TTC17: variants seen among roughly 807,000 people sequenced by gnomAD.
TTC17 encodes the protein tetratricopeptide repeat protein 17.
A neutral mutation model predicts 143.8 loss-of-function variants in TTC17; 58 were observed. The ratio of observed to expected loss-of-function variants is 0.40; its 90% confidence interval spans 0.33 to 0.50. TTC17 has a LOEUF of 0.50. Among genes scored for constraint, TTC17 ranks in the 20% least tolerant of loss-of-function variants. The probability of loss-of-function intolerance (pLI) is 0.49; values close to 1 mark genes in which losing one functional copy is unlikely to be tolerated. For synonymous variants in TTC17, 501 were observed against 497.8 expected, an observed-to-expected ratio of 1.01 and a Z score of -0.09; for missense variants, 1,273 against 1,392.5, an observed-to-expected ratio of 0.91 and a Z score of 1.37.
Position 43,400,039 on chromosome 11 carries a change from G to T in TTC17, c.1210G>T (p.Ala404Ser). 2 of 1,612,954 alleles carry T rather than the reference G, an allele frequency of 1.2e-6. No individual in the cohort carries two copies. Among genetic ancestry groups the T allele is most frequent in the Non-Finnish European group, 1.7e-6 (2 of 1,179,536 alleles). Residue 404 changes from alanine to serine, a missense_variant, in exon 9 of 24, where the codon GCA (alanine) becomes TCA (serine). Physicochemically the swap from Ala to Ser is moderately conservative, Grantham distance 99. Around this residue, in one of 3 missense-constraint regions of TTC17, gnomAD observed 325 missense variants for 444.2 expected, o/e 0.73. Coordinates refer to ENST00000039989, the MANE Select transcript of TTC17 (RefSeq NM_018259.6). ...TCATGAGACTCAGATGGCAAAAGAG[G>T]CACAATTAGGTAAGTAGTGACTCCA... ...IIHETQMAKE[A>S]QLGNHQICRL...
At chr11:43,437,006 A>G (rs145447954) in intron 16 of TTC17, among the ~76,000 whole-genome samples, 182 of 152,108 alleles carry the variant, frequency 1.2e-3, no homozygotes, top group African/African-American at 4.3e-3. Context: ...TCATCCTTCT[A>G]TGTATTATCT....
intron 1 of TTC17, among the ~76,000 whole-genome samples, chr11:43,366,258 G>T (rs1463329821): frequency 6.6e-6 from 1 of 151,882 alleles, no homozygotes; most frequent in Non-Finnish European, 1.5e-5. Context: ...TATTATTGCC[G>T]CAGCTTCCTG....
intron 16 of TTC17, among the ~76,000 whole-genome samples, chr11:43,420,998 A>G (rs189930060): frequency 1.4e-4 from 21 of 152,318 alleles, no homozygotes; most frequent in Admixed American, 9.8e-4. Flanking sequence ...CATTCATTCA[A>G]TGAACACTTA....
intron 5 of TTC17, among the ~76,000 whole-genome samples, chr11:43,393,423 G>A (rs1857463541): frequency 1.3e-5 from 2 of 151,480 alleles, no homozygotes; most frequent in Admixed American, 1.3e-4. Context: ...TAGGGGGAAG[G>A]GGTGCACAGA....
intron 21 of TTC17, among the ~76,000 whole-genome samples, chr11:43,471,274 T>G (rs1485677109): frequency 6.6e-6 from 1 of 152,192 alleles, no homozygotes; most frequent in Non-Finnish European, 1.5e-5. Flanking sequence ...ATTCCCCTAC[T>G]TTTGTCCCCC....
At chr11:43,411,318 C>T (rs1457011852) in intron 15 of TTC17, among the ~76,000 whole-genome samples, 1 of 152,144 alleles carries the variant, frequency 6.6e-6, no homozygotes, top group Non-Finnish European at 1.5e-5. Context: ...TGGAGTACTT[C>T]ATCCCACCAA....
chr11:43,366,475 C>T (rs920609397), intron 1 of TTC17, among the ~76,000 whole-genome samples: 1 of 148,778 alleles, frequency 6.7e-6, no homozygotes, highest in African/African-American at 2.5e-5. Context: ...CACTGTACTC[C>T]AGCTTGCGTG....
At chr11:43,391,390 C>A in intron 3 of TTC17, 75 bp from the exon 4 acceptor site, 2 of 999,328 alleles carry the variant, frequency 2.0e-6, no homozygotes, top group Non-Finnish European at 3.1e-6. Flanking sequence ...CAGAATGAGA[C>A]CCTTTCTCTA....
At chr11:43,442,492 A>C (rs890897801) in intron 16 of TTC17, among the ~76,000 whole-genome samples, 5 of 152,246 alleles carry the variant, frequency 3.3e-5, no homozygotes, top group African/African-American at 1.2e-4. Flanking sequence ...TGCACAGTGT[A>C]ACATCCAGCC....
At chr11:43,490,096 T>C (rs1488846974) in intron 21 of TTC17, 143 bp from the exon 22 acceptor site, 2 of 1,109,814 alleles carry the variant, frequency 1.8e-6, no homozygotes, top group African/African-American at 3.1e-5. Context: ...GAAGGACAGG[T>C]GGAACAGAAA....
intron 16 of TTC17, among the ~76,000 whole-genome samples, chr11:43,431,798 G>A (rs1849163252): frequency 6.6e-6 from 1 of 152,140 alleles, no homozygotes; most frequent in Non-Finnish European, 1.5e-5. Context: ...GTCCAGCCTG[G>A]GCAACATAGT....
intron 1 of TTC17, among the ~76,000 whole-genome samples, chr11:43,376,273 A>G (rs1856762032): frequency 6.6e-6 from 1 of 152,214 alleles, no homozygotes. Context: ...AATTTTGTTT[A>G]CTTGGAACTC....
intron 2 of TTC17, chr11:43,385,610 C>T (rs1212382266): frequency 6.6e-6 from 1 of 151,064 alleles, no homozygotes; most frequent in Non-Finnish European, 1.5e-5. Context: ...GGCACAGTAA[C>T]TCACATTTGT....
At chr11:43,414,433 T>C (rs906841510) in intron 15 of TTC17, among the ~76,000 whole-genome samples, 157 bp from the exon 16 acceptor site, 3 of 152,190 alleles carry the variant, frequency 2.0e-5, no homozygotes, top group Admixed American at 6.5e-5. Flanking sequence ...ACATGTATTA[T>C]ACAGTTTAGA....
chr11:43,373,468 C>T (rs753261063), intron 1 of TTC17, among the ~76,000 whole-genome samples: 7 of 152,108 alleles, frequency 4.6e-5, no homozygotes, highest in African/African-American at 7.2e-5. Flanking sequence ...GAACTACAGG[C>T]TCCCACCACC....
At chr11:43,412,299 C>T (rs1485469096) in intron 15 of TTC17, among the ~76,000 whole-genome samples, 3 of 151,966 alleles carry the variant, frequency 2.0e-5, no homozygotes, top group Admixed American at 6.6e-5. Flanking sequence ...GCCTGGGCAA[C>T]ACAATGAGAT....
At chr11:43,371,510 G>A (rs1319915599) in intron 1 of TTC17, among the ~76,000 whole-genome samples, 2 of 152,230 alleles carry the variant, frequency 1.3e-5, no homozygotes, top group Non-Finnish European at 2.9e-5. Context: ...GGGGCAAAGG[G>A]TGTAGAACTT....
At chr11:43,363,384 T>C (rs1173240182) in intron 1 of TTC17, among the ~76,000 whole-genome samples, 2 of 152,218 alleles carry the variant, frequency 1.3e-5, no homozygotes, top group Admixed American at 1.3e-4. Flanking sequence ...GAAAAAAATA[T>C]ATGTTCCATG....
intron 21 of TTC17, among the ~76,000 whole-genome samples, chr11:43,482,362 G>T (rs1317522461): frequency 6.7e-6 from 1 of 149,814 alleles, no homozygotes; most frequent in African/African-American, 2.5e-5. Flanking sequence ...GTAAATTTAT[G>T]ACAAATTTAA....
Sources: gnomAD v4.1 joint callset for allele counts (sites outside exome capture counted in the v4.1 genomes callset) on GRCh38, gnomAD v4.1.1 for gene constraint, gnomAD v4.1.1 regional missense constraint, MANE v1.5 for transcripts, NCBI Gene and HGNC (gene_info 2026-07-23, HGNC 2026-07-21) for gene names.